The following MAPK7 variants were observed in gnomAD, a reference collection of about 807,000 sequenced individuals.
MAPK7 encodes BMK-1.
In MAPK7, 30 loss-of-function variants were observed where a neutral mutation model predicts 56.9. That is an observed-to-expected ratio of 0.53 (90% CI 0.39 to 0.72). The LOEUF is 0.72. MAPK7 is among the 30% of genes least tolerant of loss of function. The pLI, the probability that MAPK7 is intolerant of heterozygous loss-of-function variation, is 0.00. For synonymous variants in MAPK7, 516 were observed against 449.3 expected (o/e 1.15, Z -1.88); for missense variants, 952 against 1,110.8 (o/e 0.86, Z 2.03).
At position 19,381,665 on chromosome 17, in the gene MAPK7, T is replaced by C; in HGVS notation, c.1456T>C (p.Ser486Pro). 6.3e-6 allele frequency: 10 copies of C among 1,599,006 alleles called. No homozygotes were observed. The highest frequency in any genetic ancestry group is 8.5e-6 in the Non-Finnish European group (10 of 1,172,370). ...TGCCCTTAAAGCTGCCCTGCTCAAG[T>C]CTTTGAGGAGCCGGCTCAGAGGTGC... ...KAALKAALLK[S>P]LRSRLRDGPS... Residue 486 changes from serine (S) to proline (P), a missense_variant, in exon 4 of 7, where the codon TCT becomes CCT. Ser to Pro is a moderately conservative substitution (Grantham distance 74). Coordinates refer to ENST00000395604, the MANE Select transcript of MAPK7 (RefSeq NM_002749.4). The surrounding 1 kb of genome is among the most constrained non-coding windows in gnomAD (Gnocchi z 4.6).
Position 19,378,742 on chromosome 17 carries a change from C to A in MAPK7, c.-6+112C>A. ...CGGGCCCCCGGCTCTGGGCCCGGACCCCTGGGGTAGCTAGTCTGCCACGAA... is the reference window on the plus strand; with the variant it reads ...CGGGCCCCCGGCTCTGGGCCCGGACACCTGGGGTAGCTAGTCTGCCACGAA... On this transcript the variant is annotated intron_variant, in intron 1 of 6. Transcript: ENST00000395604. The surrounding 1 kb of genome is among the most constrained non-coding windows in gnomAD (Gnocchi z 5.4). The A allele has an allele frequency of 7.5e-7, 1 of 1,329,590 alleles. No individual in the cohort carries two copies. Among genetic ancestry groups the A allele is most frequent in the Non-Finnish European group, 9.9e-7 (1 of 1,006,446 alleles). 82.4% of individuals were successfully genotyped at this position (1,329,590 alleles called of 1,614,324 possible). A position where few individuals can be genotyped will look rare whatever the true frequency, so the allele number is the denominator to read the frequency against.
Position 19,382,951 on chromosome 17 carries a change from G to A in MAPK7, c.2297+5G>A. ...GGCTGATGGGCCACAGGATGGGTAA[G>A]GTGGCTGGACTGAGCTCCTAGACTG... On this transcript the variant is annotated splice_donor_5th_base_variant and intron_variant, in intron 6 of 6. Coordinates refer to ENST00000395604, the MANE Select transcript of MAPK7 (RefSeq NM_002749.4). 3 of 1,614,176 alleles carry A rather than the reference G, an allele frequency of 1.9e-6. No individual in the cohort carries two copies. The highest frequency in any genetic ancestry group is 1.3e-5 in the African/African-American group (1 of 75,070).
chr17:19,377,886 G>C (rs1912232176), upstream of MAPK7: 1 of 985,412 alleles, frequency 1.0e-6, no homozygotes, highest in Non-Finnish European at 1.2e-6. Flanking sequence ...GCGAGCTGCA[G>C]TCCAACTTGG....
chr17:19,382,772 G>C lies in MAPK7; in HGVS notation c.2164-41G>C, dbSNP rs1239830402. 3 of 1,607,794 alleles carry C rather than the reference G, an allele frequency of 1.9e-6. No homozygotes were observed. In the Admixed American group the frequency reaches 5.0e-5, roughly 27 times the overall value. On this transcript the variant is annotated intron_variant, in intron 5 of 6. Transcript: ENST00000395604. ...CAGCATTGGGACAGGGTGGCCTACAGACCTCAGTCTGTCTGCATTGTAACC... is the reference window on the plus strand; with the variant it reads ...CAGCATTGGGACAGGGTGGCCTACACACCTCAGTCTGTCTGCATTGTAACC...
At chr17:19,378,109 T>C (rs1912250965), upstream of MAPK7, 1 of 978,730 alleles carries the variant, frequency 1.0e-6, no homozygotes, top group Non-Finnish European at 1.2e-6. The surrounding 1 kb of genome is among the most constrained non-coding windows in gnomAD (Gnocchi z 5.4). Flanking sequence ...AAGGTAACAG[T>C]CCCAGACCTG....
intron 3 of MAPK7, chr17:19,380,149 T>G: frequency 1.6e-6 from 1 of 620,692 alleles, no homozygotes. Context: ...TACAGTTTTA[T>G]AGAATCTTAG....
Position 19,380,853 on chromosome 17 carries a change from A to C in MAPK7, c.644A>C (p.Gln215Pro). Residue 215 changes from glutamine to proline, a missense_variant, in exon 4 of 7, where the codon CAG (glutamine) becomes CCG (proline). Physicochemically the swap from Gln to Pro is moderately conservative, Grantham distance 76. This residue lies in a region of MAPK7 where 429 missense variants were observed against 533.0 expected (regional missense o/e 0.80). Coordinates refer to ENST00000395604, the MANE Select transcript of MAPK7 (RefSeq NM_002749.4). ...CTGTGCACCTCGCCCGCTGAACATC[A>C]GTACTTCATGACTGAGTATGTGGCC... ...RGLCTSPAEH[Q>P]YFMTEYVATR... 1 of 1,613,974 alleles carries C rather than the reference A, an allele frequency of 6.2e-7. No individual in the cohort carries two copies. Among genetic ancestry groups the C allele is most frequent in the Admixed American group, 1.7e-5 (1 of 59,992 alleles).
chr17:19,383,097 C>G lies in MAPK7; in HGVS notation c.2317C>G (p.Leu773Val), dbSNP rs766701364. The G allele has an allele frequency of 1.2e-6, 2 of 1,614,088 alleles. No individual in the cohort carries two copies. The highest frequency in any genetic ancestry group is 1.7e-6 in the Non-Finnish European group (2 of 1,180,034). Residue 773 changes from leucine (L) to valine (V), a missense_variant, in exon 7 of 7, where the codon CTC (leucine) becomes GTC (valine). Leu to Val is a conservative substitution (Grantham distance 32, BLOSUM62 1). Around this residue, in one of 5 missense-constraint regions of MAPK7, gnomAD observed 73 missense variants for 104.6 expected, o/e 0.70. Coordinates refer to ENST00000395604, the MANE Select transcript of MAPK7 (RefSeq NM_002749.4). ...CTGCAGCCAGGCAGATTCAGCCTCT[C>G]TCTCAGCCTCCCTGCTTGCTGACTG... is the stretch of plus-strand genomic sequence containing the variant. ...PQDGQADSAS[L>V]SASLLADWLE...
Position 19,381,156 on chromosome 17 carries a change from C to G in MAPK7, c.947C>G (p.Ala316Gly), listed in dbSNP as rs866090979. Reference protein sequence around the residue: ...PVPWETVYPGADRQALSLLGR... With the variant: ...PVPWETVYPGGDRQALSLLGR... ...CCCTGGGAGACAGTGTACCCAGGTG[C>G]CGACCGCCAGGCCCTATCACTGCTG... Residue 316 changes from alanine (A) to glycine (G), a missense_variant, in exon 4 of 7, where the codon GCC becomes GGC. By Grantham distance (60) the Ala-to-Gly change is moderately conservative. Coordinates refer to ENST00000395604, the MANE Select transcript of MAPK7 (RefSeq NM_002749.4). The surrounding 1 kb of genome is among the most constrained non-coding windows in gnomAD (Gnocchi z 4.6). 1 of 1,613,898 alleles carries G rather than the reference C, an allele frequency of 6.2e-7. No homozygotes were observed. Among genetic ancestry groups the G allele is most frequent in the African/African-American group, 1.3e-5 (1 of 74,932 alleles).
chr17:19,381,673 G>A lies in MAPK7; in HGVS notation c.1464G>A (p.Arg488=), dbSNP rs1168972285. The A allele has an allele frequency of 6.3e-6, 10 of 1,593,678 alleles. No homozygotes were observed. Among genetic ancestry groups the A allele is most frequent in the Non-Finnish European group, 8.5e-6 (10 of 1,169,658 alleles). Residue 488 remains arginine (R), a synonymous_variant, in exon 4 of 7, where the codon AGG becomes AGA. Coordinates refer to ENST00000395604, the MANE Select transcript of MAPK7 (RefSeq NM_002749.4). The surrounding 1 kb of genome is among the most constrained non-coding windows in gnomAD (Gnocchi z 4.6). The part of the protein sequence containing the change: ...ALKAALLKSL[R]SRLRDGPSAP... ...AAGCTGCCCTGCTCAAGTCTTTGAGGAGCCGGCTCAGAGGTGCCTTGTGGG... is the reference window on the plus strand; with the variant it reads ...AAGCTGCCCTGCTCAAGTCTTTGAGAAGCCGGCTCAGAGGTGCCTTGTGGG...
upstream of MAPK7, chr17:19,377,805 TGCAGCCCAAA>T: frequency 1.0e-6 from 1 of 982,204 alleles, no homozygotes; most frequent in Non-Finnish European, 1.2e-6. Flanking sequence ...TTAACTCCGC[TGCAGCCCAAA>T]GCACGGGAAT....
rs755519791 is a variant in MAPK7, at chr17:19,381,523, G to T, written c.1314G>T (p.Pro438=). 2.5e-6 allele frequency: 4 copies of T among 1,613,344 alleles called. No homozygotes were observed. In the African/African-American group the frequency reaches 4.0e-5, roughly 16 times the overall value. Residue 438 remains proline (P), a synonymous_variant, in exon 4 of 7, where the codon CCG becomes CCT. Transcript: ENST00000395604. This position sits in a 1 kb window ranked among gnomAD's most constrained non-coding sequence, Gnocchi z 4.6. ...CCATGGAGTCTCCACCACCAGCCCC[G>T]CCACCATGCCCCGGCCCTGCACCTG... ...DCAMESPPPA[P]PPCPGPAPDT...
rs1912665600 is a variant in MAPK7, at chr17:19,381,530, T to C, written c.1321T>C (p.Cys441Arg). 4 of 1,613,558 alleles carry C rather than the reference T, an allele frequency of 2.5e-6. No homozygotes were observed. In the African/African-American group the frequency reaches 4.0e-5, roughly 16 times the overall value. The change falls in exon 4 of 7, where the codon TGC becomes CGC. Residue 441 changes from cysteine (C) to arginine (R), a missense_variant. Physicochemically the swap from Cys to Arg is radical, Grantham distance 180 (BLOSUM62 -3). Around this residue, in one of 5 missense-constraint regions of MAPK7, gnomAD observed 429 missense variants for 533.0 expected, o/e 0.80. Transcript: ENST00000395604. The surrounding 1 kb of genome is among the most constrained non-coding windows in gnomAD (Gnocchi z 4.6). ...MESPPPAPPP[C>R]PGPAPDTIDL... is the part of the protein sequence containing the mutation. ...GTCTCCACCACCAGCCCCGCCACCA[T>C]GCCCCGGCCCTGCACCTGACACCAT...
rs765957894 is a variant in MAPK7 at position 19,382,043 on chromosome 17, C to T, written c.1740C>T (p.Ala580=). 8.3e-6 allele frequency: 13 copies of T among 1,574,254 alleles called. No individual in the cohort carries two copies. Among genetic ancestry groups the T allele is most frequent in the South Asian group, 2.3e-5 (2 of 86,946 alleles). ...ERWTRMARPA[A]PALTSVPAPA... ...GGACTCGAATGGCCCGGCCCGCAGC[C>T]CCAGCCCTCACCTCTGTGCCGGCCC... Residue 580 remains alanine (A), a synonymous_variant, in exon 5 of 7, where the codon GCC becomes GCT. Transcript: ENST00000395604.
rs1191025186 is a variant in MAPK7 at position 19,382,024 on chromosome 17, G to A, written c.1721G>A (p.Arg574Gln). ...NDRSLLERWT[R>Q]MARPAAPALT... ...AGAAGCCTGTTGGAACGCTGGACTC[G>A]AATGGCCCGGCCCGCAGCCCCAGCC... Residue 574 changes from arginine (R) to glutamine (Q), a missense_variant, in exon 5 of 7, where the codon CGA (arginine) becomes CAA (glutamine). Around this residue, in one of 5 missense-constraint regions of MAPK7, gnomAD observed 429 missense variants for 533.0 expected, o/e 0.80. Coordinates refer to ENST00000395604, the MANE Select transcript of MAPK7 (RefSeq NM_002749.4). 10 of 1,560,462 alleles carry A rather than the reference G, an allele frequency of 6.4e-6. No individual in the cohort carries two copies. Among genetic ancestry groups the A allele is most frequent in the African/African-American group, 2.7e-5 (2 of 73,374 alleles).
At chr17:19,382,648 T>C (rs1598118904) in intron 5 of MAPK7, among the ~76,000 whole-genome samples, 165 bp from the exon 6 acceptor site, 1 of 152,226 alleles carries the variant, frequency 6.6e-6, no homozygotes, top group Admixed American at 6.5e-5. Flanking sequence ...AAGTTAAATA[T>C]GGCCTGCAAA....
intron 2 of MAPK7, 47 bp downstream of exon 2, chr17:19,379,179 G>A (rs1912399893): frequency 6.4e-7 from 1 of 1,560,054 alleles, no homozygotes; most frequent in East Asian, 2.3e-5. Context: ...GCGTCGCAGG[G>A]AGTGGGAAAC....
At chr17:19,379,261 G>A (rs771272754) in intron 2 of MAPK7, 129 bp downstream of exon 2, 15 of 817,168 alleles carry the variant, frequency 1.8e-5, no homozygotes, top group Non-Finnish European at 2.5e-5. Flanking sequence ...CACTGACCAG[G>A]GCCTTCTGCC....
Position 19,381,203 on chromosome 17 carries a change from C to T in MAPK7, c.994C>T (p.Pro332Ser). 1 of 1,614,138 alleles carries T rather than the reference C, an allele frequency of 6.2e-7. No individual in the cohort carries two copies. The highest frequency in any genetic ancestry group is 8.5e-7 in the Non-Finnish European group (1 of 1,180,044). ...SLLGRMLRFEPSARISAAAAL... is the reference protein window; with the variant it reads ...SLLGRMLRFESSARISAAAAL... ...GCTGGGTCGCATGCTGCGTTTTGAG[C>T]CCAGCGCTCGCATCTCAGCAGCTGC... The change falls in exon 4 of 7, where the codon CCC (proline) becomes TCC (serine). Residue 332 changes from proline to serine, a missense_variant. Pro to Ser is a moderately conservative substitution (Grantham distance 74, BLOSUM62 -1). Transcript: ENST00000395604. This position sits in a 1 kb window ranked among gnomAD's most constrained non-coding sequence, Gnocchi z 4.6.
Sources: allele counts gnomAD v4.1 joint callset (sites outside exome capture counted in the v4.1 genomes callset), GRCh38; gene constraint gnomAD v4.1.1; regional missense constraint gnomAD v4.1.1; non-coding constraint Gnocchi (gnomAD v3.1); transcripts MANE v1.5; gene names NCBI Gene and HGNC (gene_info 2026-07-23, HGNC 2026-07-21).